Variants in ADGRL3 observed in about 807,000 individuals in gnomAD.
ADGRL3 encodes calcium-independent alpha-latrotoxin receptor 3.
ADGRL3 carries 62 observed loss-of-function variants against 153.5 expected under a neutral mutation model. The observed-to-expected ratio is 0.40, with a 90% confidence interval of 0.33 to 0.50. The LOEUF (loss-of-function observed/expected upper bound fraction) is 0.50. Among genes scored for constraint, ADGRL3 ranks in the 20% least tolerant of loss-of-function variants. The probability of loss-of-function intolerance (pLI) is 0.47; values close to 1 mark genes in which losing one functional copy is unlikely to be tolerated. For missense variants in ADGRL3, 1,641 were observed against 1,859.4 expected (o/e 0.88, Z 2.16); for synonymous variants, 710 against 672.5 (o/e 1.06, Z -0.86).
chr4:62,001,785 TG>T (rs1406150635), intron 21 of ADGRL3, among the ~76,000 whole-genome samples: 1 of 152,134 alleles, frequency 6.6e-6, no homozygotes, highest in Non-Finnish European at 1.5e-5. Flanking sequence ...TTTAGTATAT[TG>T]GGGAAAGCAT....
intron 9 of ADGRL3, among the ~76,000 whole-genome samples, chr4:61,884,895 G>T (rs530270397): frequency 6.7e-4 from 101 of 151,680 alleles, no homozygotes; most frequent in African/African-American, 2.3e-3. Flanking sequence ...AAAGTGCTGG[G>T]ATTATAGGTG....
At chr4:61,894,997 T>G (rs2098618918) in intron 10 of ADGRL3, among the ~76,000 whole-genome samples, 1 of 152,198 alleles carries the variant, frequency 6.6e-6, no homozygotes, top group Admixed American at 6.5e-5. Flanking sequence ...TCAAAAAAAC[T>G]TGAAGTTTCC....
chr4:61,751,109 T>C (rs1363520455), intron 8 of ADGRL3, among the ~76,000 whole-genome samples: 1 of 152,194 alleles, frequency 6.6e-6, no homozygotes, highest in African/African-American at 2.4e-5. Flanking sequence ...ATCTAGATTA[T>C]GTGCTCCTTA....
chr4:62,010,670 C>G (rs1359680747), intron 21 of ADGRL3, among the ~76,000 whole-genome samples: 1 of 145,694 alleles, frequency 6.9e-6, no homozygotes, highest in Non-Finnish European at 1.5e-5. Context: ...GTGGCTATAT[C>G]TACGTAATGA....
At chr4:61,577,388 A>G (rs961430939) in intron 4 of ADGRL3, among the ~76,000 whole-genome samples, 1 of 152,110 alleles carries the variant, frequency 6.6e-6, no homozygotes, top group African/African-American at 2.4e-5. Flanking sequence ...AACTTGTTTT[A>G]TTCTTCACTA....
At chr4:61,371,582 G>T (rs2096530111) in intron 1 of ADGRL3, among the ~76,000 whole-genome samples, 1 of 152,082 alleles carries the variant, frequency 6.6e-6, no homozygotes, top group Non-Finnish European at 1.5e-5. Context: ...GGCTTGTAGG[G>T]TTTCTGCCAA....
intron 8 of ADGRL3, among the ~76,000 whole-genome samples, chr4:61,769,057 A>G (rs1018322425): frequency 3.4e-5 from 5 of 148,812 alleles, no homozygotes; most frequent in Admixed American, 2.6e-4. Context: ...GTTGAGGGGT[A>G]CTTGCCCCTG....
chr4:61,733,541 G>A lies in ADGRL3; in HGVS notation c.1386G>A (p.Leu462=). 1 of 1,610,930 alleles carries A rather than the reference G, an allele frequency of 6.2e-7. No homozygotes were observed. The stretch of plus-strand genomic sequence containing the variant: ...AATATTCTTTGGATTTTGGACCTCT[G>A]GATAGTAGATCAGGTAAGTTCAACC... The part of the protein sequence containing the change: ...VVKYSLDFGP[L]DSRSGQAHHG... The change falls in exon 8 of 27, where the codon CTG becomes CTA. Residue 462 remains leucine (L), a synonymous_variant. Coordinates refer to ENST00000683033, the MANE Select transcript of ADGRL3 (RefSeq NM_001387552.1).
intron 1 of ADGRL3, among the ~76,000 whole-genome samples, chr4:61,221,906 A>G (rs1438101945): frequency 6.6e-6 from 1 of 152,134 alleles, no homozygotes; most frequent in Non-Finnish European, 1.5e-5. Context: ...CTCCTAGTGA[A>G]AAAAAGAGGA....
At chr4:61,297,847 T>G (rs1168811431) in intron 1 of ADGRL3, among the ~76,000 whole-genome samples, 1 of 151,984 alleles carries the variant, frequency 6.6e-6, no homozygotes, top group Non-Finnish European at 1.5e-5. Flanking sequence ...ACCACCATCA[T>G]CACCATCACC....
chr4:61,335,974 A>G (rs536823048), intron 1 of ADGRL3, among the ~76,000 whole-genome samples: 2 of 152,322 alleles, frequency 1.3e-5, no homozygotes, highest in South Asian at 2.1e-4. Flanking sequence ...TTCAAAATTC[A>G]TTTCATGGAT....
intron 1 of ADGRL3, among the ~76,000 whole-genome samples, chr4:61,364,326 C>T (rs200120954): frequency 1.3e-4 from 10 of 77,722 alleles, no homozygotes; most frequent in East Asian, 3.3e-4. Flanking sequence ...AGTGAGACTC[C>T]GTCTCAAAAA....
At chr4:61,744,858 G>A (rs576020433) in intron 8 of ADGRL3, among the ~76,000 whole-genome samples, 7 of 152,328 alleles carry the variant, frequency 4.6e-5, no homozygotes, top group Middle Eastern at 3.4e-3. Context: ...GAACAAAGCT[G>A]GACAGAGAAT....
intron 6 of ADGRL3, among the ~76,000 whole-genome samples, chr4:61,702,772 A>G (rs967438860): frequency 4.6e-5 from 7 of 152,146 alleles, no homozygotes; most frequent in Non-Finnish European, 7.4e-5. Context: ...TCTTAAATGA[A>G]TCATCACTAT....
At chr4:61,860,857 T>C (rs879159732) in intron 9 of ADGRL3, among the ~76,000 whole-genome samples, 1 of 152,154 alleles carries the variant, frequency 6.6e-6, no homozygotes, top group Non-Finnish European at 1.5e-5. Flanking sequence ...AACTGAGCCT[T>C]AGCAAGTGCA....
At chr4:61,351,084 G>C (rs1316660313) in intron 1 of ADGRL3, among the ~76,000 whole-genome samples, 1 of 152,158 alleles carries the variant, frequency 6.6e-6, no homozygotes, top group East Asian at 1.9e-4. Context: ...TAAAAGTGCT[G>C]CTCCAGGGAA....
intron 9 of ADGRL3, among the ~76,000 whole-genome samples, chr4:61,865,785 A>C (rs928312749): frequency 1.3e-5 from 2 of 152,194 alleles, no homozygotes; most frequent in African/African-American, 4.8e-5. Context: ...GATGGAAGGA[A>C]GAGGGAGAGG....
chr4:61,665,583 T>C (rs1273701529), intron 5 of ADGRL3, among the ~76,000 whole-genome samples: 21 of 152,170 alleles, frequency 1.4e-4, no homozygotes, highest in Admixed American at 1.4e-3. Flanking sequence ...TGGGAATGAC[T>C]CTGGTTAAAT....
At chr4:61,793,233 G>A (rs1041842734) in intron 8 of ADGRL3, among the ~76,000 whole-genome samples, 1 of 152,006 alleles carries the variant, frequency 6.6e-6, no homozygotes, top group Admixed American at 6.6e-5. Flanking sequence ...GACCATCCTG[G>A]CTAACATGGT....
Sources: gnomAD v4.1 joint callset for allele counts (sites outside exome capture counted in the v4.1 genomes callset) on GRCh38, gnomAD v4.1.1 for gene constraint, MANE v1.5 for transcripts, NCBI Gene and HGNC (gene_info 2026-07-23, HGNC 2026-07-21) for gene names.